The following SLC24A2 variants were observed in gnomAD, a reference collection of about 807,000 sequenced individuals.
SLC24A2 encodes solute carrier family 24 member 2, also known as sodium/potassium/calcium exchanger 2.
A neutral mutation model predicts 62.0 loss-of-function variants in SLC24A2; 36 were observed. The ratio of observed to expected loss-of-function variants is 0.58; its 90% CI spans 0.44 to 0.77. The LOEUF is 0.77. SLC24A2 is among the 30% of genes least tolerant of loss of function. The pLI, the probability that SLC24A2 is intolerant of heterozygous loss-of-function variation, is 0.00. For missense variants in SLC24A2, 846 were observed against 817.9 expected (o/e 1.03, Z -0.42); for synonymous variants, 358 against 294.0 (o/e 1.22, Z -2.23).
At chr9:19,818,215 T>C in the SLC24A2 span, among the ~76,000 whole-genome samples, 1 of 152,142 alleles carries the variant, frequency 6.6e-6, no homozygotes, top group African/African-American at 2.4e-5. Context: ...CATCCAGCTC[T>C]GTTTTTCACA....
intron 9 of SLC24A2, among the ~76,000 whole-genome samples, chr9:19,526,218 T>C (rs573221963): frequency 1.5e-4 from 23 of 152,364 alleles, no homozygotes; most frequent in South Asian, 8.3e-4. Flanking sequence ...TTCCATTGTA[T>C]GGATATACCA....
intron 8 of SLC24A2, among the ~76,000 whole-genome samples, chr9:19,544,389 C>G (rs1299811257): frequency 6.6e-6 from 1 of 151,614 alleles, no homozygotes; most frequent in Non-Finnish European, 1.5e-5. Flanking sequence ...ATCCAATTTG[C>G]CAGTCTGTGT....
chr9:20,164,911 A>G, the SLC24A2 span, among the ~76,000 whole-genome samples: 4 of 146,676 alleles, frequency 2.7e-5, no homozygotes, highest in Non-Finnish European at 6.0e-5. Context: ...GCATATTCTC[A>G]CTCATAGGTG....
At chr9:19,931,153 C>A in the SLC24A2 span, among the ~76,000 whole-genome samples, 1 of 152,126 alleles carries the variant, frequency 6.6e-6, no homozygotes, top group African/African-American at 2.4e-5. Context: ...TAGCTAAAAT[C>A]AACACCAACA....
the SLC24A2 span, among the ~76,000 whole-genome samples, chr9:20,167,799 A>G: frequency 6.6e-6 from 1 of 151,920 alleles, no homozygotes; most frequent in Non-Finnish European, 1.5e-5. Context: ...AGCTTACTGC[A>G]GTCTCAAATT....
the SLC24A2 span, among the ~76,000 whole-genome samples, chr9:19,920,824 G>A: frequency 1.3e-5 from 2 of 152,142 alleles, no homozygotes; most frequent in African/African-American, 2.4e-5. Context: ...ATCGGGAGCC[G>A]GATGTGAGAG....
At chr9:19,975,755 G>A in the SLC24A2 span, among the ~76,000 whole-genome samples, 3,392 of 150,404 alleles carry the variant, frequency 0.023, 324 homozygotes, top group East Asian at 0.32. Flanking sequence ...TCCATGTTCT[G>A]CTTTTGTTTT....
chr9:20,190,730 AT>A, the SLC24A2 span, among the ~76,000 whole-genome samples: 1 of 152,214 alleles, frequency 6.6e-6, no homozygotes, highest in East Asian at 1.9e-4. Context: ...GAATTAAAAA[AT>A]AAAAATTAAA....
the SLC24A2 span, among the ~76,000 whole-genome samples, chr9:19,988,120 G>C: frequency 6.6e-6 from 1 of 152,124 alleles, no homozygotes; most frequent in South Asian, 2.1e-4. Context: ...GTATGCATAG[G>C]AATTTAGGGT....
chr9:20,276,375 T>C, the SLC24A2 span, among the ~76,000 whole-genome samples: 14 of 152,360 alleles, frequency 9.2e-5, no homozygotes, highest in African/African-American at 3.1e-4. Flanking sequence ...TGATCTCCTT[T>C]GACTCCATGT....
intron 2 of SLC24A2, among the ~76,000 whole-genome samples, chr9:19,647,785 T>C (rs1247261962): frequency 6.6e-6 from 1 of 152,230 alleles, no homozygotes; most frequent in Non-Finnish European, 1.5e-5. Context: ...ATATAAATCA[T>C]TAACTTCTAT....
chr9:19,516,509 A>G, intron 10 of SLC24A2, 107 bp from the exon 11 acceptor site: 2 of 1,350,734 alleles, frequency 1.5e-6, no homozygotes, highest in South Asian at 1.3e-5. Context: ...GGAACTCTAA[A>G]CTGAAAAGGG....
chr9:19,852,287 A>T, the SLC24A2 span, among the ~76,000 whole-genome samples: 1 of 151,976 alleles, frequency 6.6e-6, no homozygotes, highest in Non-Finnish European at 1.5e-5. Context: ...CACTCTGATG[A>T]TAGTTTCTTT....
the SLC24A2 span, among the ~76,000 whole-genome samples, chr9:20,190,477 G>T: frequency 6.6e-6 from 1 of 152,140 alleles, no homozygotes; most frequent in Non-Finnish European, 1.5e-5. Context: ...GATGTAATAA[G>T]GGAAGTAACA....
chr9:20,273,005 T>C, the SLC24A2 span, among the ~76,000 whole-genome samples: 3 of 152,162 alleles, frequency 2.0e-5, no homozygotes, highest in Non-Finnish European at 4.4e-5. Flanking sequence ...CATGCCCACA[T>C]CCTGGCTGCC....
At chr9:20,250,250 A>T in the SLC24A2 span, among the ~76,000 whole-genome samples, 1,803 of 152,354 alleles carry the variant, frequency 0.012, 44 homozygotes, top group African/African-American at 0.04. Context: ...AGGCTATGGT[A>T]GAACCAGAAT....
chr9:19,575,519 G>A (rs1479076080), intron 6 of SLC24A2, among the ~76,000 whole-genome samples: 2 of 152,218 alleles, frequency 1.3e-5, no homozygotes, highest in Non-Finnish European at 2.9e-5. Context: ...TACACAGCAG[G>A]CTGAAGGTTC....
the SLC24A2 span, among the ~76,000 whole-genome samples, chr9:20,244,354 G>A: frequency 6.6e-6 from 1 of 152,154 alleles, no homozygotes; most frequent in Non-Finnish European, 1.5e-5. Context: ...GAGCAGGAAG[G>A]AGGGAACATT....
At chr9:20,114,359 A>C in the SLC24A2 span, among the ~76,000 whole-genome samples, 182 of 152,292 alleles carry the variant, frequency 1.2e-3, 5 homozygotes, top group South Asian at 0.026. Flanking sequence ...AGTGCTTATC[A>C]GGTAATCACC....
Sources: allele counts gnomAD v4.1 joint callset (sites outside exome capture counted in the v4.1 genomes callset), GRCh38; gene constraint gnomAD v4.1.1; transcripts MANE v1.5; gene names NCBI Gene and HGNC (gene_info 2026-07-23, HGNC 2026-07-21).